The following PLA2G7 variants were observed in gnomAD, a reference collection of about 807,000 sequenced individuals.
PLA2G7 encodes the protein phospholipase A2 group VII.
PLA2G7 carries 63 observed loss-of-function variants against 49.6 expected under a neutral mutation model. That is an observed-to-expected ratio of 1.27 (90% CI 1.04 to 1.57). The LOEUF (loss-of-function observed/expected upper bound fraction) is 1.57, where lower values mean the gene tolerates loss of function less well. Among genes scored for constraint, PLA2G7 ranks in the 40% most tolerant of loss-of-function variants. The probability of loss-of-function intolerance (pLI) is 0.00; values close to 1 mark genes in which losing one functional copy is unlikely to be tolerated. For missense variants in PLA2G7, 596 were observed against 521.2 expected, an observed-to-expected ratio of 1.14 and a Z score of -1.40; for synonymous variants, 193 against 169.9, an observed-to-expected ratio of 1.14 and a Z score of -1.06.
intron 2 of PLA2G7, among the ~76,000 whole-genome samples, chr6:46,719,247 G>A (rs1244815697): frequency 6.6e-6 from 1 of 152,198 alleles, no homozygotes; most frequent in Non-Finnish European, 1.5e-5. Context: ...ACATTGCCCA[G>A]AAAAGTTTTG....
At chr6:46,722,957 G>T (rs1582582195) in intron 1 of PLA2G7, 32 bp from the exon 2 acceptor site, 1 of 914,414 alleles carries the variant, frequency 1.1e-6, no homozygotes, top group East Asian at 2.5e-5. Context: ...GAAAAAAGAA[G>T]TATGCAATGA....
At chr6:46,734,213 G>C (rs1582594165) in intron 1 of PLA2G7, among the ~76,000 whole-genome samples, 1 of 152,120 alleles carries the variant, frequency 6.6e-6, no homozygotes, top group South Asian at 2.1e-4. Flanking sequence ...TTATCTGGCC[G>C]GCAGGGGGAT....
In PLA2G7 at chr6:46,704,352, A is replaced by G; in HGVS notation, c.*208T>C. 2 of 563,228 alleles carry G rather than the reference A, an allele frequency of 3.6e-6. No individual in the cohort carries two copies. The highest frequency in any genetic ancestry group is 6.3e-6 in the Non-Finnish European group (2 of 315,246). 34.9% of individuals were successfully genotyped at this position (563,228 alleles called of 1,614,324 possible). A position where few individuals can be genotyped will look rare whatever the true frequency, so the allele number is the denominator to read the frequency against. On this transcript the variant is annotated 3_prime_UTR_variant, in exon 12 of 12. Transcript: ENST00000274793. ...TACTGTATTCTTTCTTTACATCTAA[A>G]GGGAAAAAATTCTTAGTCCAAGCTT...
intron 1 of PLA2G7, 116 bp from the exon 2 acceptor site, chr6:46,723,041 T>G: frequency 4.6e-6 from 3 of 653,786 alleles, no homozygotes; most frequent in African/African-American, 1.8e-5. Context: ...AAAACATGTA[T>G]TTTCTGTGCT....
intron 6 of PLA2G7, 23 bp from the exon 7 acceptor site, chr6:46,711,642 AT>A: frequency 6.8e-6 from 11 of 1,612,278 alleles, no homozygotes; most frequent in Non-Finnish European, 8.5e-6. Context: ...CAAAATTATT[AT>A]TTATGCATGC....
intron 2 of PLA2G7, among the ~76,000 whole-genome samples, chr6:46,721,048 T>C (rs1174168875): frequency 6.6e-6 from 1 of 152,170 alleles, no homozygotes; most frequent in African/African-American, 2.4e-5. Flanking sequence ...CATTCTTTTT[T>C]TGTTTGTTTT....
intron 2 of PLA2G7, among the ~76,000 whole-genome samples, chr6:46,720,776 TG>T (rs1765370805): frequency 1.3e-5 from 2 of 152,226 alleles, no homozygotes; most frequent in African/African-American, 2.4e-5. Flanking sequence ...TACATATTTT[TG>T]GTGGTTTTCA....
intron 10 of PLA2G7, among the ~76,000 whole-genome samples, chr6:46,705,936 C>T (rs1055471743): frequency 6.6e-6 from 1 of 152,138 alleles, no homozygotes; most frequent in Non-Finnish European, 1.5e-5. Context: ...GTTTCCTTAA[C>T]ATTGCACCTT....
At chr6:46,733,560 A>G (rs1765798434) in intron 1 of PLA2G7, among the ~76,000 whole-genome samples, 1 of 152,240 alleles carries the variant, frequency 6.6e-6, no homozygotes, top group African/African-American at 2.4e-5. Context: ...CTTCTGGTGC[A>G]CAAATATCTG....
chr6:46,718,822 C>G (rs1269363950), intron 2 of PLA2G7, among the ~76,000 whole-genome samples: 1 of 152,220 alleles, frequency 6.6e-6, no homozygotes, highest in African/African-American at 2.4e-5. Context: ...ACACTAGGCT[C>G]TTTCTTCAGA....
chr6:46,716,828 T>C (rs967859262), intron 3 of PLA2G7, 147 bp downstream of exon 3: 88 of 819,894 alleles, frequency 1.1e-4, no homozygotes, highest in Non-Finnish European at 1.8e-4. Flanking sequence ...ATGGCCAAAC[T>C]AGTAAAAGCC....
At chr6:46,728,076 T>C (rs865815943) in intron 1 of PLA2G7, among the ~76,000 whole-genome samples, 49 of 152,270 alleles carry the variant, frequency 3.2e-4, no homozygotes, top group Admixed American at 9.8e-4. Context: ...AATAGCCCAA[T>C]TCAGTTTCAA....
chr6:46,718,568 C>T (rs748525917), intron 2 of PLA2G7, among the ~76,000 whole-genome samples: 84 of 152,232 alleles, frequency 5.5e-4, no homozygotes, highest in Non-Finnish European at 1.2e-3. Flanking sequence ...GAGCAACACA[C>T]TGGGCTGGTT....
Position 46,709,349 on chromosome 6 carries a change from G to C in PLA2G7, c.847C>G (p.Leu283Val). ...SFGGATVIQT[L>V]SEDQRFRCGI... Reference sequence around the variant, plus strand: ...TACCTGAATCTCTGATCTTCACTAAGAGTCTGAATAACCGTTGCTCCACCA... The same window carrying C: ...TACCTGAATCTCTGATCTTCACTAACAGTCTGAATAACCGTTGCTCCACCA... Residue 283 changes from leucine (L) to valine (V), a missense_variant, in exon 9 of 12, where the codon CTT becomes GTT. By Grantham distance (32) the Leu-to-Val change is conservative. Transcript: ENST00000274793. 1 of 1,599,304 alleles carries C rather than the reference G, an allele frequency of 6.3e-7. No homozygotes were observed.
intron 5 of PLA2G7, among the ~76,000 whole-genome samples, chr6:46,713,581 A>C (rs1177699719): frequency 1.3e-5 from 2 of 152,236 alleles, no homozygotes. Context: ...ACAGTGCTGA[A>C]GAGAATTCTT....
In PLA2G7 at chr6:46,708,492, A is replaced by G. The variant is rs545035647; in HGVS notation, c.870-331T>C. Among the ~76,000 whole-genome samples the G allele has an allele frequency of 7.9e-4, 120 of 152,356 alleles. 1 individual carries two copies. The highest frequency in any genetic ancestry group is 1.3e-3 in the Admixed American group (20 of 15,290). On this transcript the variant is annotated intron_variant, in intron 9 of 11. Transcript: ENST00000274793. ...AACACTGTGGAGTATCTGAAAAAGT[A>G]TAATAAATACACCTTTGTTTTCAGA... is the stretch of plus-strand genomic sequence containing the variant.
rs45491691 is a variant in PLA2G7, at chr6:46,706,380, C to T, written c.1041-1079G>A. Among the ~76,000 whole-genome samples the T allele has an allele frequency of 2.0e-3, 298 of 152,228 alleles. 1 individual carries two copies. The highest frequency in any genetic ancestry group is 6.5e-3 in the African/African-American group (270 of 41,542). ...AAACAGCAGGAATACAAGAGAATTG[C>T]GAGCAGAAGCTTGGATGATCTGACT... On this transcript the variant is annotated intron_variant, in intron 10 of 11. Coordinates refer to ENST00000274793, the MANE Select transcript of PLA2G7 (RefSeq NM_005084.4).
chr6:46,733,108 G>A (rs1483571280), intron 1 of PLA2G7, among the ~76,000 whole-genome samples: 1 of 152,140 alleles, frequency 6.6e-6, no homozygotes, highest in Non-Finnish European at 1.5e-5. Flanking sequence ...ACTTTCCCAG[G>A]GGCTCCCACT....
At position 46,710,641 on chromosome 6, in the gene PLA2G7, T is replaced by G. The variant is rs1324240762; in HGVS notation, c.681A>C (p.Lys227Asn). The G allele has an allele frequency of 1.2e-6, 2 of 1,611,858 alleles. No homozygotes were observed. Among genetic ancestry groups the G allele is most frequent in the South Asian group, 1.1e-5 (1 of 91,046 alleles). Residue 227 changes from lysine to asparagine, a missense_variant, in exon 8 of 12, where the codon AAA becomes AAC. Transcript: ENST00000274793. The stretch of plus-strand genomic sequence containing the variant: ...TCAGACTGAGAGCTTGGGAACATTC[T>G]TTTGCTCTTTGCCGTACCTAATATA... ...IRNEQVRQRA[K>N]ECSQALSLIL...
Sources: gnomAD v4.1 joint callset for allele counts (sites outside exome capture counted in the v4.1 genomes callset) on GRCh38, gnomAD v4.1.1 for gene constraint, MANE v1.5 for transcripts, NCBI Gene and HGNC (gene_info 2026-07-23, HGNC 2026-07-21) for gene names.